Variants in TAMALIN observed in about 807,000 individuals in gnomAD.
The protein encoded by TAMALIN is trafficking regulator and scaffold protein tamalin, also known as protein TAMALIN.
In TAMALIN, 9 loss-of-function variants were observed where a neutral mutation model predicts 38.5. The ratio of observed to expected loss-of-function variants is 0.23; its 90% CI spans 0.14 to 0.41. The LOEUF is 0.41. Among genes scored for constraint, TAMALIN ranks in the 10% least tolerant of loss-of-function variants. TAMALIN has a pLI of 1.00. For missense variants in TAMALIN, 548 were observed against 554.1 expected (o/e 0.99, Z 0.11); for synonymous variants, 306 against 256.5 (o/e 1.19, Z -1.85).
intron 2 of TAMALIN, 97 bp from the exon 3 acceptor site, chr12:52,010,784 A>C: frequency 7.8e-7 from 1 of 1,275,878 alleles, no homozygotes; most frequent in Non-Finnish European, 1.1e-6. Context: ...GTCCTGCTGG[A>C]ATGTTCTAGA....
At chr12:52,013,175 T>C (rs895142133) in intron 4 of TAMALIN, among the ~76,000 whole-genome samples, 1 of 149,316 alleles carries the variant, frequency 6.7e-6, no homozygotes, top group Admixed American at 6.7e-5. Context: ...CCTCCCGGGT[T>C]CACGCCATTC....
At chr12:52,013,173 G>A (rs1033648824) in intron 4 of TAMALIN, among the ~76,000 whole-genome samples, 2 of 149,808 alleles carry the variant, frequency 1.3e-5, no homozygotes, top group Admixed American at 6.6e-5. Context: ...CGCCTCCCGG[G>A]TTCACGCCAT....
chr12:52,012,816 T>C (rs1937682828), intron 4 of TAMALIN, among the ~76,000 whole-genome samples: 1 of 152,152 alleles, frequency 6.6e-6, no homozygotes, highest in Admixed American at 6.5e-5. Flanking sequence ...AGCTCTCCAG[T>C]GGTGCAGGGT....
chr12:52,012,378 C>T (rs567957829), intron 4 of TAMALIN, among the ~76,000 whole-genome samples: 6 of 152,278 alleles, frequency 3.9e-5, no homozygotes, highest in South Asian at 2.1e-4. Context: ...CTCAGCCTCC[C>T]GAGTAGCTGG....
chr12:52,014,388 C>T (rs1937735607), intron 7 of TAMALIN, 187 bp downstream of exon 7: 1 of 642,284 alleles, frequency 1.6e-6, no homozygotes, highest in African/African-American at 1.8e-5. Context: ...TATTCTCACA[C>T]TAGCCCTCTG....
Position 52,014,821 on chromosome 12 carries a change from C to T in TAMALIN, c.810C>T (p.Arg270=). Reference sequence around the variant, plus strand: ...TGCTCGCCGTGCCCGGGCGTCCCCGCGGAGGCGCCCGACGGGCCAGGGGCG... The same window carrying T: ...TGCTCGCCGTGCCCGGGCGTCCCCGTGGAGGCGCCCGACGGGCCAGGGGCG... The part of the protein sequence containing the change: ...GPLLAVPGRP[R]GGARRARGDA... Residue 270 remains arginine, a synonymous_variant, in exon 8 of 8, where the codon CGC becomes CGT. Transcript: ENST00000293662. 1 of 1,325,356 alleles carries T rather than the reference C, an allele frequency of 7.5e-7. No homozygotes were observed. Among genetic ancestry groups the T allele is most frequent in the Non-Finnish European group, 9.6e-7 (1 of 1,040,122 alleles). The allele number at this position is 1,325,356 out of a possible 1,614,324, so 82.1% of individuals were successfully genotyped here.
At chr12:52,012,344 C>T (rs1430440717) in intron 4 of TAMALIN, among the ~76,000 whole-genome samples, 1 of 152,198 alleles carries the variant, frequency 6.6e-6, no homozygotes, top group Non-Finnish European at 1.5e-5. Context: ...GCCTCTGCCT[C>T]CCAGATTCAA....
rs1468303879 is a variant in TAMALIN at position 52,013,684 on chromosome 12, C to T, written c.455-3C>T. The T allele has an allele frequency of 1.9e-6, 3 of 1,613,822 alleles. No individual in the cohort carries two copies. Among genetic ancestry groups the T allele is most frequent in the Admixed American group, 1.7e-5 (1 of 60,018 alleles). On this transcript the variant is annotated splice_polypyrimidine_tract_variant and splice_region_variant and intron_variant, in intron 4 of 7. Transcript: ENST00000293662. The stretch of plus-strand genomic sequence containing the variant: ...AAATCTAACCCCCTTGTCTGCCTGG[C>T]AGGGGACACCATCGCCAGCGTCAAT...
rs1198794267 is a variant in TAMALIN, at chr12:52,007,439, C to A, written c.246+174C>A. On this transcript the variant is annotated intron_variant, in intron 1 of 7. Coordinates refer to ENST00000293662, the MANE Select transcript of TAMALIN (RefSeq NM_181711.4). This position sits in a 1 kb window ranked among gnomAD's most constrained non-coding sequence, Gnocchi z 6.7. ...CCGCTGCTGCGAAGGCCGTGGCCCT[C>A]GCCTGCACACCGCGCCCAGGCTCGG... 3.0e-5 allele frequency: 30 copies of A among 985,118 alleles called. No individual in the cohort carries two copies. Among genetic ancestry groups the A allele is most frequent in the Non-Finnish European group, 3.4e-5 (28 of 829,856 alleles). 61.0% of individuals were successfully genotyped at this position (985,118 alleles called of 1,614,324 possible). A position where few individuals can be genotyped will look rare whatever the true frequency, so the allele number is the denominator to read the frequency against.
rs2120821959 is a variant in TAMALIN at position 52,007,983 on chromosome 12, A to C, written c.246+718A>C. The C allele has an allele frequency of 1.0e-6, 1 of 985,332 alleles. No individual in the cohort carries two copies. Among genetic ancestry groups the C allele is most frequent in the Non-Finnish European group, 1.2e-6 (1 of 829,888 alleles). 61.0% of individuals were successfully genotyped at this position (985,332 alleles called of 1,614,324 possible). ...AGACCTGAGGCTCAGAACCTACACAACACCAGGTTAAGAAGAGGGGCCTGG... is the reference window on the plus strand; with the variant it reads ...AGACCTGAGGCTCAGAACCTACACACCACCAGGTTAAGAAGAGGGGCCTGG... On this transcript the variant is annotated intron_variant, in intron 1 of 7. Transcript: ENST00000293662. This position sits in a 1 kb window ranked among gnomAD's most constrained non-coding sequence, Gnocchi z 6.7.
chr12:52,012,474 G>A lies in TAMALIN; in HGVS notation c.455-1213G>A, dbSNP rs914279590. Among the ~76,000 whole-genome samples, 5 of 152,204 alleles carry A rather than the reference G, an allele frequency of 3.3e-5. No individual in the cohort carries two copies. The South Asian group carries it at 8.3e-4, about 25-fold the overall frequency. On this transcript the variant is annotated intron_variant, in intron 4 of 7. Transcript: ENST00000293662. ...TTGCCTTGTTGGCCAGGCTGGTCTC[G>A]AACTCCTGACCTCAGGTGATCCACC... is the stretch of plus-strand genomic sequence containing the variant.
rs1942436893 is a variant in TAMALIN at position 52,007,661 on chromosome 12, C to A, written c.246+396C>A. 1.0e-6 allele frequency: 1 copy of A among 985,288 alleles called. No homozygotes were observed. The highest frequency in any genetic ancestry group is 4.7e-5 in the South Asian group (1 of 21,296). The allele number at this position is 985,288 out of a possible 1,614,324, so 61.0% of individuals were successfully genotyped here. A position where few individuals can be genotyped will look rare whatever the true frequency, so the allele number is the denominator to read the frequency against. On this transcript the variant is annotated intron_variant, in intron 1 of 7. Coordinates refer to ENST00000293662, the MANE Select transcript of TAMALIN (RefSeq NM_181711.4). This position sits in a 1 kb window ranked among gnomAD's most constrained non-coding sequence, Gnocchi z 6.7. ...CCAGGCAAGTTGAAGGTCCGAGAGC[C>A]CCCGGTGGGAGAAGCGGGCCGGTGG...
At position 52,015,064 on chromosome 12, in the gene TAMALIN, C is replaced by G; in HGVS notation, c.1053C>G (p.Leu351=). The G allele has an allele frequency of 6.8e-7, 1 of 1,467,452 alleles. No individual in the cohort carries two copies. Among genetic ancestry groups the G allele is most frequent in the South Asian group, 1.3e-5 (1 of 77,056 alleles). 90.9% of individuals were successfully genotyped at this position (1,467,452 alleles called of 1,614,324 possible). A position where few individuals can be genotyped will look rare whatever the true frequency, so the allele number is the denominator to read the frequency against. The stretch of plus-strand genomic sequence containing the variant: ...GAGGCGGGGGCGCGCCGGGCGCGCT[C>G]TGGACTGAGGCTCGCGAGCAGGCCC... ...GGGGGGAPGA[L]WTEAREQALC... Residue 351 remains leucine (L), a synonymous_variant, in exon 8 of 8, where the codon CTC becomes CTG. Coordinates refer to ENST00000293662, the MANE Select transcript of TAMALIN (RefSeq NM_181711.4).
At chr12:52,013,208 G>T (rs2120849917) in intron 4 of TAMALIN, among the ~76,000 whole-genome samples, 1 of 148,620 alleles carries the variant, frequency 6.7e-6, no homozygotes, top group East Asian at 2.0e-4. Context: ...CTCCCGAGTA[G>T]CTGGGACTAC....
In TAMALIN at chr12:52,007,416, G is replaced by A. The variant is rs960914286; in HGVS notation, c.246+151G>A. 2.3e-5 allele frequency: 29 copies of A among 1,268,458 alleles called. No homozygotes were observed. The highest frequency in any genetic ancestry group is 2.9e-5 in the Non-Finnish European group (29 of 1,008,528). 78.6% of individuals were successfully genotyped at this position (1,268,458 alleles called of 1,614,324 possible). A position where few individuals can be genotyped will look rare whatever the true frequency, so the allele number is the denominator to read the frequency against. On this transcript the variant is annotated intron_variant, in intron 1 of 7. Coordinates refer to ENST00000293662, the MANE Select transcript of TAMALIN (RefSeq NM_181711.4). The surrounding 1 kb of genome is among the most constrained non-coding windows in gnomAD (Gnocchi z 6.7). ...GGTGCCTCGACTCCCCGCGTTCCCC[G>A]CTGCTGCGAAGGCCGTGGCCCTCGC...
At chr12:52,010,574 T>C (rs189471418) in intron 2 of TAMALIN, 1 of 1,211,766 alleles carries the variant, frequency 8.3e-7, no homozygotes. Flanking sequence ...TAAGTGGTAC[T>C]GTAGGGCTCA....
At position 52,011,026 on chromosome 12, in the gene TAMALIN, T is replaced by C. The variant is rs779478218; in HGVS notation, c.352-13T>C. 6.2e-7 allele frequency: 1 copy of C among 1,613,852 alleles called. No homozygotes were observed. The highest frequency in any genetic ancestry group is 1.1e-5 in the South Asian group (1 of 91,068). On this transcript the variant is annotated splice_polypyrimidine_tract_variant and intron_variant, in intron 3 of 7. Transcript: ENST00000293662. The surrounding 1 kb of genome is among the most constrained non-coding windows in gnomAD (Gnocchi z 5.3). ...TCCCAACCCTGGGCTGAGGGTCCCC[T>C]TGTCCATTACAGACTTATGGCCTTC...
intron 2 of TAMALIN, chr12:52,010,618 C>T (rs1054718358): frequency 1.2e-5 from 14 of 1,173,240 alleles, no homozygotes; most frequent in African/African-American, 4.7e-5. Flanking sequence ...AAAACTCAGC[C>T]GGCTCATCCT....
intron 4 of TAMALIN, chr12:52,013,445 C>T (rs1268520292): frequency 4.0e-6 from 2 of 493,960 alleles, no homozygotes; most frequent in East Asian, 3.4e-5. Flanking sequence ...GGCTGGGGTG[C>T]TGGGCGTGGA....
Sources: gnomAD v4.1 joint callset for allele counts (sites outside exome capture counted in the v4.1 genomes callset) on GRCh38, gnomAD v4.1.1 for gene constraint, Gnocchi (gnomAD v3.1) non-coding constraint, MANE v1.5 for transcripts, NCBI Gene and HGNC (gene_info 2026-07-23, HGNC 2026-07-21) for gene names.